The following PDZD2 variants were observed in gnomAD, a reference collection of about 807,000 sequenced individuals.
PDZD2 encodes PDZ domain-containing protein 2.
A neutral mutation model predicts 220.7 loss-of-function variants in PDZD2; 90 were observed. The observed-to-expected ratio is 0.41, with a 90% CI of 0.34 to 0.49. PDZD2 has a LOEUF of 0.49. Ranked by LOEUF, PDZD2 falls within the 20% of genes least tolerant of loss-of-function variation. The pLI is 0.28. For synonymous variants in PDZD2, 1,375 were observed against 1,450.5 expected, an observed-to-expected ratio of 0.95 and a Z score of 1.18; for missense variants, 3,174 against 3,608.5, an observed-to-expected ratio of 0.88 and a Z score of 3.08.
At chr5:31,731,494 C>T (rs1580643431) in intron 1 of PDZD2, among the ~76,000 whole-genome samples, 1 of 152,190 alleles carries the variant, frequency 6.6e-6, no homozygotes, top group East Asian at 1.9e-4. Flanking sequence ...CCCTCTGCAG[C>T]TCTTGGCAAC....
chr5:31,854,923 G>T, intron 2 of PDZD2: 2 of 962,250 alleles, frequency 2.1e-6, no homozygotes, highest in South Asian at 4.8e-5. Flanking sequence ...GGAGGGGGGG[G>T]TCCTCCCACA....
chr5:31,820,223 T>G (rs940276403), intron 2 of PDZD2, among the ~76,000 whole-genome samples: 1 of 152,184 alleles, frequency 6.6e-6, no homozygotes, highest in African/African-American at 2.4e-5. Context: ...TGCCATACAG[T>G]GTCCCCTTCT....
At chr5:32,055,528 A>C (rs1295092923) in intron 10 of PDZD2, among the ~76,000 whole-genome samples, 3 of 74,498 alleles carry the variant, frequency 4.0e-5, no homozygotes. Flanking sequence ...TCACCAGAGC[A>C]TGAATCCCGA....
At chr5:31,649,977 G>A (rs965968458) in intron 1 of PDZD2, among the ~76,000 whole-genome samples, 14 of 150,084 alleles carry the variant, frequency 9.3e-5, no homozygotes, top group African/African-American at 3.4e-4. Context: ...AAGTCTCAGG[G>A]CAAATCGGAA....
chr5:31,874,982 G>A (rs539818448), intron 2 of PDZD2, among the ~76,000 whole-genome samples: 2 of 152,192 alleles, frequency 1.3e-5, no homozygotes, highest in South Asian at 4.1e-4. Flanking sequence ...AAGTTTTGAT[G>A]TTTAAATGCT....
intron 2 of PDZD2, among the ~76,000 whole-genome samples, chr5:31,879,808 T>TG (rs1200243832): frequency 6.6e-6 from 1 of 151,298 alleles, no homozygotes; most frequent in African/African-American, 2.4e-5. Flanking sequence ...TTTCTGGAAT[T>TG]GAAAAAAAAA....
chr5:32,100,820 G>C (rs1275687868), intron 23 of PDZD2: 1 of 1,309,046 alleles, frequency 7.6e-7, no homozygotes, highest in Admixed American at 1.9e-5. Context: ...TGCTTTCTGG[G>C]GATTTCTGCT....
At chr5:31,735,401 A>G (rs138626688) in intron 1 of PDZD2, among the ~76,000 whole-genome samples, 1 of 152,298 alleles carries the variant, frequency 6.6e-6, no homozygotes, top group East Asian at 1.9e-4. Context: ...ATAAAAGTGT[A>G]AGAGATGAGA....
At chr5:31,700,539 G>A (rs1747566617) in intron 1 of PDZD2, among the ~76,000 whole-genome samples, 1 of 152,128 alleles carries the variant, frequency 6.6e-6, no homozygotes, top group African/African-American at 2.4e-5. Flanking sequence ...AGTTTGTTCA[G>A]GCCAGGGTTG....
At chr5:31,963,876 A>C (rs928058262) in intron 2 of PDZD2, among the ~76,000 whole-genome samples, 1 of 151,898 alleles carries the variant, frequency 6.6e-6, no homozygotes, top group Non-Finnish European at 1.5e-5. Flanking sequence ...ATGCCCACAC[A>C]CACCCCCATC....
At chr5:31,866,774 T>A (rs1191802491) in intron 2 of PDZD2, among the ~76,000 whole-genome samples, 3 of 152,212 alleles carry the variant, frequency 2.0e-5, no homozygotes, top group Non-Finnish European at 4.4e-5. Flanking sequence ...TTCATAACTT[T>A]GATTTGTGTC....
At position 31,862,101 on chromosome 5, in the gene PDZD2, G is replaced by GTTGT. The variant is rs768772887; in HGVS notation, c.476+62379_476+62380insGTTT. Among the ~76,000 whole-genome samples, 260 of 78,474 alleles carry GTTGT rather than the reference G, an allele frequency of 3.3e-3. 5 individuals are homozygous for GTTGT. Among genetic ancestry groups the GTTGT allele is most frequent in the Middle Eastern group, 9.3e-3 (1 of 108 alleles). 51.5% of individuals were successfully genotyped at this position (78,474 alleles called of 152,430 possible). ...AATAGACTCAATGTTTTTTTTTTGG[G>GTTGT]TTTTTTTTTTTTTTTTTTTTTTGAG... On this transcript the variant is annotated intron_variant, in intron 2 of 24. Coordinates refer to ENST00000438447, the MANE Select transcript of PDZD2 (RefSeq NM_178140.4).
At chr5:31,944,290 A>G (rs971781844) in intron 2 of PDZD2, among the ~76,000 whole-genome samples, 1 of 152,250 alleles carries the variant, frequency 6.6e-6, no homozygotes, top group Admixed American at 6.5e-5. Context: ...ATTTACTTAG[A>G]TCTTCATTTA....
At chr5:31,904,550 CAG>C (rs1242550529) in intron 2 of PDZD2, among the ~76,000 whole-genome samples, 2 of 152,110 alleles carry the variant, frequency 1.3e-5, no homozygotes, top group African/African-American at 2.4e-5. Flanking sequence ...TTTTTTGAGA[CAG>C]AGTCTCGCTC....
intron 2 of PDZD2, among the ~76,000 whole-genome samples, chr5:31,957,710 A>G (rs1747839252): frequency 1.3e-5 from 2 of 152,202 alleles, no homozygotes; most frequent in African/African-American, 4.8e-5. Context: ...GGTTAGGACA[A>G]AAGGCTTCAT....
intron 10 of PDZD2, among the ~76,000 whole-genome samples, chr5:32,055,637 G>T (rs1165184671): frequency 3.3e-5 from 5 of 152,184 alleles, no homozygotes; most frequent in South Asian, 2.1e-4. Flanking sequence ...CAGTTCAATT[G>T]ACCTAAACTT....
chr5:32,087,100 T>C lies in PDZD2; in HGVS notation c.3683-31T>C. The C allele has an allele frequency of 1.5e-6, 2 of 1,304,094 alleles. No individual in the cohort carries two copies. The highest frequency in any genetic ancestry group is 1.1e-6 in the Non-Finnish European group (1 of 907,312). 80.8% of individuals were successfully genotyped at this position (1,304,094 alleles called of 1,614,324 possible). A position where few individuals can be genotyped will look rare whatever the true frequency, so the allele number is the denominator to read the frequency against. On this transcript the variant is annotated intron_variant, in intron 19 of 24. Transcript: ENST00000438447. The surrounding 1 kb of genome is among the most constrained non-coding windows in gnomAD (Gnocchi z 4.0). ...TATCTCCCCTACAACCTCTCCTGTGTATGTACCTTCTGTTTACGTTCCCCA... is the reference window on the plus strand; with the variant it reads ...TATCTCCCCTACAACCTCTCCTGTGCATGTACCTTCTGTTTACGTTCCCCA...
At chr5:32,071,776 G>C (rs1740774539) in intron 16 of PDZD2, among the ~76,000 whole-genome samples, 1 of 152,174 alleles carries the variant, frequency 6.6e-6, no homozygotes, top group African/African-American at 2.4e-5. Flanking sequence ...GTGCGTCAGG[G>C]TGCAGGATTC....
intron 1 of PDZD2, among the ~76,000 whole-genome samples, chr5:31,640,377 G>T (rs747739863): frequency 1.3e-5 from 2 of 152,234 alleles, no homozygotes; most frequent in Non-Finnish European, 2.9e-5. Context: ...GGGACTGGCC[G>T]TTGGGCAGTG....
Sources: gnomAD v4.1 joint callset for allele counts (sites outside exome capture counted in the v4.1 genomes callset) on GRCh38, gnomAD v4.1.1 for gene constraint, Gnocchi (gnomAD v3.1) non-coding constraint, MANE v1.5 for transcripts, NCBI Gene and HGNC (gene_info 2026-07-23, HGNC 2026-07-21) for gene names.